The following SYNE2 variants were observed in gnomAD, a reference collection of about 807,000 sequenced individuals.
The protein encoded by SYNE2 is nesprin-2.
In SYNE2, 431 loss-of-function variants were observed where a neutral mutation model predicts 856.3. That is an observed-to-expected ratio of 0.50 (90% confidence interval 0.47 to 0.55). SYNE2 has a LOEUF of 0.55. Among genes scored for constraint, SYNE2 ranks in the 20% least tolerant of loss-of-function variants. SYNE2 has a pLI of 0.00. For synonymous variants in SYNE2, 2,923 were observed against 2,872.3 expected, an observed-to-expected ratio of 1.02 and a Z score of -0.56; for missense variants, 8,129 against 8,023.2, an observed-to-expected ratio of 1.01 and a Z score of -0.50.
chr14:63,898,517 G>T (rs978168000), intron 1 of SYNE2, among the ~76,000 whole-genome samples: 1 of 152,004 alleles, frequency 6.6e-6, no homozygotes, highest in Non-Finnish European at 1.5e-5. Flanking sequence ...CGATCCACCC[G>T]CCACAGCCAC....
chr14:64,187,005 A>AT (rs2098494961), intron 97 of SYNE2, among the ~76,000 whole-genome samples: 1 of 152,252 alleles, frequency 6.6e-6, no homozygotes, highest in Non-Finnish European at 1.5e-5. Context: ...GGAGCATTTC[A>AT]TATGAGTACT....
Position 64,225,791 on chromosome 14 carries a change from C to A in SYNE2, c.*265C>A. 1.7e-6 allele frequency: 1 copy of A among 594,698 alleles called. No individual in the cohort carries two copies. The highest frequency in any genetic ancestry group is 3.0e-6 in the Non-Finnish European group (1 of 333,278). The allele number at this position is 594,698 out of a possible 1,614,324, so 36.8% of individuals were successfully genotyped here. A position where few individuals can be genotyped will look rare whatever the true frequency, so the allele number is the denominator to read the frequency against. On this transcript the variant is annotated 3_prime_UTR_variant, in exon 116 of 116. Coordinates refer to ENST00000555002, the MANE Select transcript of SYNE2 (RefSeq NM_182914.3). ...TTAGTTTAGGGATCTCTGGAAATGTCAGTTTCCTGAAGAGCCAAGCACTTT... is the reference window on the plus strand; with the variant it reads ...TTAGTTTAGGGATCTCTGGAAATGTAAGTTTCCTGAAGAGCCAAGCACTTT...
In SYNE2 at chr14:64,064,234, A is replaced by G. The variant is rs117003119; in HGVS notation, c.10213-1198A>G. On this transcript the variant is annotated intron_variant, in intron 50 of 115. Coordinates refer to ENST00000555002, the MANE Select transcript of SYNE2 (RefSeq NM_182914.3). ...TGGAGCACAAGCATTTGATACCACA[A>G]CAGTTGATCTGATCACCAAGAAGGC... 1.3e-3 allele frequency among the ~76,000 whole-genome samples: 192 copies of G among 152,318 alleles called. 4 individuals carry two copies. In the South Asian group the frequency reaches 0.019, roughly 15 times the overall value.
chr14:64,021,824 G>T, intron 36 of SYNE2, 33 bp from the exon 37 acceptor site: 2 of 1,611,482 alleles, frequency 1.2e-6, no homozygotes, highest in South Asian at 1.1e-5. Context: ...CCTGTTTTAA[G>T]ATTTAATGGT....
chr14:64,157,390 A>T (rs763972075), intron 85 of SYNE2, among the ~76,000 whole-genome samples: 1 of 152,214 alleles, frequency 6.6e-6, no homozygotes, highest in African/African-American at 2.4e-5. Flanking sequence ...TAATGTTTTC[A>T]AGATCATCGG....
At chr14:64,179,581 G>T (rs2098449055) in intron 96 of SYNE2, among the ~76,000 whole-genome samples, 1 of 152,132 alleles carries the variant, frequency 6.6e-6, no homozygotes, top group African/African-American at 2.4e-5. Context: ...ACTTGGTATT[G>T]TCAGATTTTT....
chr14:63,807,860 T>C (rs1341704088), intron 1 of SYNE2, among the ~76,000 whole-genome samples: 2 of 104,552 alleles, frequency 1.9e-5, no homozygotes, highest in African/African-American at 6.9e-5. Context: ...TATATATATA[T>C]ATATAATTTC....
At chr14:63,978,240 A>T (rs1274385834) in intron 13 of SYNE2, among the ~76,000 whole-genome samples, 1 of 152,196 alleles carries the variant, frequency 6.6e-6, no homozygotes, top group East Asian at 1.9e-4. Flanking sequence ...GATGGAAAAC[A>T]TTCAGAAACT....
chr14:63,818,245 G>A (rs893529039), intron 1 of SYNE2, among the ~76,000 whole-genome samples: 1 of 150,062 alleles, frequency 6.7e-6, no homozygotes, highest in South Asian at 2.1e-4. Flanking sequence ...TGAGGCAGGA[G>A]AATTGTTTGA....
chr14:64,119,291 C>G, intron 66 of SYNE2, 136 bp from the exon 67 acceptor site: 3 of 1,144,194 alleles, frequency 2.6e-6, no homozygotes. Context: ...TTTTGTTTTT[C>G]CAGGGTTTCT....
chr14:64,193,113 T>A (rs1301753280), intron 99 of SYNE2, among the ~76,000 whole-genome samples: 3 of 152,198 alleles, frequency 2.0e-5, no homozygotes, highest in African/African-American at 4.8e-5. Context: ...ACTTTACATT[T>A]GAACAGTGGC....
In SYNE2 at chr14:64,139,963, T is replaced by C. The variant is rs2098127170; in HGVS notation, c.14866T>C (p.Leu4956=). ...TAGTTATAACAGAGATTCGGATCAG[T>C]TAACCAAGTGGTTGGAATCTTCCCA... ...LLSYNRDSDQ[L]TKWLESSQHT... is the part of the protein sequence containing the mutation. The change falls in exon 80 of 116, where the codon TTA becomes CTA. Residue 4956 remains leucine, a synonymous_variant. Coordinates refer to ENST00000555002, the MANE Select transcript of SYNE2 (RefSeq NM_182914.3). The C allele has an allele frequency of 6.2e-7, 1 of 1,614,122 alleles. No individual in the cohort carries two copies. Among genetic ancestry groups the C allele is most frequent in the African/African-American group, 1.3e-5 (1 of 75,060 alleles).
chr14:64,175,798 A>C (rs1291222062), intron 95 of SYNE2, among the ~76,000 whole-genome samples: 3 of 152,214 alleles, frequency 2.0e-5, no homozygotes, highest in Non-Finnish European at 4.4e-5. Context: ...CTAGATAACC[A>C]AACTTACCAG....
At chr14:64,101,451 A>G (rs1199343623) in intron 63 of SYNE2, among the ~76,000 whole-genome samples, 8 of 152,008 alleles carry the variant, frequency 5.3e-5, no homozygotes. Flanking sequence ...ACTTTTACGT[A>G]TTTTTAAATA....
intron 84 of SYNE2, among the ~76,000 whole-genome samples, chr14:64,149,473 A>G (rs2098220395): frequency 2.0e-5 from 3 of 152,336 alleles, no homozygotes; most frequent in African/African-American, 7.2e-5. Flanking sequence ...TAGGATTGAA[A>G]TATTCCGAAG....
intron 12 of SYNE2, among the ~76,000 whole-genome samples, chr14:63,977,519 T>A (rs956467798): frequency 6.6e-6 from 1 of 152,168 alleles, no homozygotes; most frequent in African/African-American, 2.4e-5. Context: ...GCCAAAAATA[T>A]TTATTCACAA....
intron 8 of SYNE2, among the ~76,000 whole-genome samples, chr14:63,960,043 T>C (rs141054639): frequency 2.6e-4 from 39 of 152,324 alleles, no homozygotes; most frequent in African/African-American, 8.7e-4. Flanking sequence ...ATAAGGGAAC[T>C]ATTTTGACGT....
chr14:63,837,741 C>T (rs1889904577), intron 1 of SYNE2, among the ~76,000 whole-genome samples: 1 of 150,858 alleles, frequency 6.6e-6, no homozygotes, highest in Non-Finnish European at 1.5e-5. Context: ...ATAGTAAGAC[C>T]CCCCTGTCTC....
chr14:64,077,812 T>G (rs999315524), intron 54 of SYNE2, among the ~76,000 whole-genome samples: 1 of 151,804 alleles, frequency 6.6e-6, no homozygotes, highest in Admixed American at 6.6e-5. Flanking sequence ...TAGCTCAAGG[T>G]TTTTTTTGTT....
Sources: allele counts gnomAD v4.1 joint callset (sites outside exome capture counted in the v4.1 genomes callset), GRCh38; gene constraint gnomAD v4.1.1; transcripts MANE v1.5; gene names NCBI Gene and HGNC (gene_info 2026-07-23, HGNC 2026-07-21).